The following XYLB variants were observed in gnomAD, a reference collection of about 807,000 sequenced individuals.
XYLB encodes xylulokinase.
XYLB carries 62 observed loss-of-function variants against 78.7 expected under a neutral mutation model. That is an observed-to-expected ratio of 0.79 (90% CI 0.64 to 0.97). The LOEUF (loss-of-function observed/expected upper bound fraction) is 0.97. Among genes scored for constraint, XYLB ranks in the 50% least tolerant of loss-of-function variants. The pLI is 0.00. For synonymous variants in XYLB, 245 were observed against 247.4 expected (o/e 0.99, Z 0.09); for missense variants, 687 against 676.8 (o/e 1.02, Z -0.17).
downstream of XYLB, among the ~76,000 whole-genome samples, chr3:38,416,615 TA>T (rs200532858): frequency 1.3e-5 from 2 of 149,576 alleles, no homozygotes; most frequent in South Asian, 4.2e-4. Context: ...CAGGAGAGGC[TA>T]AAAAAAAAGA....
At chr3:38,399,055 CA>C (rs200502675) in intron 17 of XYLB, among the ~76,000 whole-genome samples, 1 of 149,780 alleles carries the variant, frequency 6.7e-6, no homozygotes, top group Non-Finnish European at 1.5e-5. Flanking sequence ...AAACAAAAAA[CA>C]AAAAAAAACA....
At chr3:38,407,167 A>G (rs1351199466) in intron 18 of XYLB, among the ~76,000 whole-genome samples, 4 of 149,746 alleles carry the variant, frequency 2.7e-5, no homozygotes, top group African/African-American at 9.9e-5. Flanking sequence ...GAAGCCCATC[A>G]GACTAACAGC....
At position 38,412,342 on chromosome 3, in the gene XYLB, C is replaced by A. The variant is rs1200803837; in HGVS notation, c.1534-594C>A. On this transcript the variant is annotated intron_variant, in intron 18 of 18. Coordinates refer to ENST00000207870, the MANE Select transcript of XYLB (RefSeq NM_005108.4). ...GTAACCTGGTTGGGAGGCAAAGAGA[C>A]CCTCTCCTGGACAGCTGTGTGAACT... 2.0e-5 allele frequency among the ~76,000 whole-genome samples: 3 copies of A among 152,152 alleles called. No homozygotes were observed. In the South Asian group the frequency reaches 6.2e-4, roughly 32 times the overall value.
intron 4 of XYLB, among the ~76,000 whole-genome samples, chr3:38,363,253 C>T (rs116295594): frequency 1.8e-3 from 281 of 152,210 alleles, no homozygotes; most frequent in Non-Finnish European, 3.0e-3. Context: ...TAAAATAGGA[C>T]GCTTGGTGAG....
chr3:38,383,779 C>A (rs368740712), intron 15 of XYLB, among the ~76,000 whole-genome samples: 1 of 152,176 alleles, frequency 6.6e-6, no homozygotes, highest in East Asian at 1.9e-4. Context: ...GGCGACAGAG[C>A]GAGACCATGT....
At chr3:38,397,259 G>A in intron 17 of XYLB, 100 bp downstream of exon 17, 1 of 1,153,750 alleles carries the variant, frequency 8.7e-7, no homozygotes, top group Non-Finnish European at 1.3e-6. Context: ...CCAGTCTTTG[G>A]GGACATTGGA....
chr3:38,400,105 C>T (rs1030106297), intron 17 of XYLB, among the ~76,000 whole-genome samples: 2 of 152,148 alleles, frequency 1.3e-5, no homozygotes, highest in African/African-American at 4.8e-5. Flanking sequence ...TACTACCTAC[C>T]TTCCCTAGAA....
At chr3:38,441,243 T>A in the XYLB span, among the ~76,000 whole-genome samples, 2 of 152,376 alleles carry the variant, frequency 1.3e-5, no homozygotes, top group East Asian at 3.9e-4. Context: ...ATAAGCATAC[T>A]TGCTATCTAT....
chr3:38,381,149 A>G (rs1304599484), intron 15 of XYLB, among the ~76,000 whole-genome samples: 1 of 152,208 alleles, frequency 6.6e-6, no homozygotes, highest in Non-Finnish European at 1.5e-5. Context: ...ATGGCAGAAG[A>G]ATGTGGATTG....
intron 2 of XYLB, among the ~76,000 whole-genome samples, chr3:38,350,865 G>GGTACA (rs1705319391): frequency 6.6e-6 from 1 of 151,790 alleles, no homozygotes; most frequent in East Asian, 1.9e-4. Flanking sequence ...TTTTAGGCTG[G>GGTACA]GTACAGTGGC....
At chr3:38,405,394 A>T (rs1000256920) in intron 18 of XYLB, among the ~76,000 whole-genome samples, 1 of 149,412 alleles carries the variant, frequency 6.7e-6, no homozygotes, top group Non-Finnish European at 1.5e-5. Flanking sequence ...AAAAAAAAAA[A>T]GCTGGCAGCC....
intron 16 of XYLB, 138 bp downstream of exon 16, chr3:38,395,701 C>A (rs907765920): frequency 1.5e-5 from 13 of 875,822 alleles, no homozygotes; most frequent in Non-Finnish European, 2.2e-5. Context: ...CTCCAGGAAG[C>A]AGCTCTGTTG....
chr3:38,407,425 A>C (rs1266434008), intron 18 of XYLB, among the ~76,000 whole-genome samples: 1 of 152,256 alleles, frequency 6.6e-6, no homozygotes, highest in Non-Finnish European at 1.5e-5. Flanking sequence ...GCCACTGCAA[A>C]ATCATGCCAA....
chr3:38,372,173 T>G (rs1706603551), intron 9 of XYLB, among the ~76,000 whole-genome samples: 1 of 152,212 alleles, frequency 6.6e-6, no homozygotes, highest in Admixed American at 6.5e-5. Flanking sequence ...GCACTCTGTC[T>G]TTTTTGGATT....
At chr3:38,372,611 G>C in intron 9 of XYLB, 44 bp from the exon 10 acceptor site, 1 of 1,613,630 alleles carries the variant, frequency 6.2e-7, no homozygotes, top group Non-Finnish European at 8.5e-7. Context: ...GGGCAGGCGG[G>C]ATTTACCTCA....
chr3:38,370,182 T>A lies in XYLB; in HGVS notation c.765+8T>A. The A allele has an allele frequency of 6.2e-7, 1 of 1,611,148 alleles. No homozygotes were observed. The highest frequency in any genetic ancestry group is 8.5e-7 in the Non-Finnish European group (1 of 1,177,642). On this transcript the variant is annotated splice_region_variant and intron_variant, in intron 9 of 18. Coordinates refer to ENST00000207870, the MANE Select transcript of XYLB (RefSeq NM_005108.4). Reference sequence around the variant, plus strand: ...CCATCATGCTCAGTTGTGGTAGGTCTCCTTTCTGGTGATGTGGCTCATTTA... The same window carrying A: ...CCATCATGCTCAGTTGTGGTAGGTCACCTTTCTGGTGATGTGGCTCATTTA...
chr3:38,366,005 C>T (rs1270395386), intron 6 of XYLB, among the ~76,000 whole-genome samples: 1 of 150,458 alleles, frequency 6.6e-6, no homozygotes, highest in Non-Finnish European at 1.5e-5. Context: ...CACCTCCTGT[C>T]ATTATTTGTA....
rs150181346 is a variant in XYLB at position 38,409,244 on chromosome 3, A to G, written c.1534-3692A>G. 1.2e-3 allele frequency among the ~76,000 whole-genome samples: 178 copies of G among 152,382 alleles called. 2 individuals carry two copies. The East Asian group carries it at 0.028, about 24-fold the overall frequency. On this transcript the variant is annotated intron_variant, in intron 18 of 18. Coordinates refer to ENST00000207870, the MANE Select transcript of XYLB (RefSeq NM_005108.4). ...AGGCTGGTTCAATATATGCAAATCA[A>G]TAAATGTAATCCAACATATAAACAG...
At chr3:38,391,822 A>G (rs1707668647) in intron 15 of XYLB, among the ~76,000 whole-genome samples, 1 of 152,218 alleles carries the variant, frequency 6.6e-6, no homozygotes, top group African/African-American at 2.4e-5. Flanking sequence ...ATTCTACAAT[A>G]TACGGGACGA....
Sources: allele counts gnomAD v4.1 joint callset (sites outside exome capture counted in the v4.1 genomes callset), GRCh38; gene constraint gnomAD v4.1.1; transcripts MANE v1.5; gene names NCBI Gene and HGNC (gene_info 2026-07-23, HGNC 2026-07-21).